The following ITGB8 variants were observed in gnomAD, a reference collection of about 807,000 sequenced individuals.
ITGB8 encodes the protein integrin subunit beta 8.
ITGB8 carries 30 observed loss-of-function variants against 89.5 expected under a neutral mutation model. The ratio of observed to expected loss-of-function variants is 0.34; its 90% CI spans 0.25 to 0.45. ITGB8 has a LOEUF of 0.45. ITGB8 is among the 20% of genes least tolerant of loss of function. The pLI is 1.00. For missense variants in ITGB8, 836 were observed against 933.3 expected, an observed-to-expected ratio of 0.90 and a Z score of 1.36; for synonymous variants, 335 against 320.4, an observed-to-expected ratio of 1.05 and a Z score of -0.49.
Position 20,379,154 on chromosome 7 carries a change from A to G in ITGB8, c.492A>G (p.Glu164=). Residue 164 remains glutamate (E), a synonymous_variant, in exon 4 of 14, where the codon GAA becomes GAG. Transcript: ENST00000222573. Reference sequence around the variant, plus strand: ...CAGCATCAATGCACAATAATATAGAAAAATTAAATTCCGTTGGAAACGATT... The same window carrying G: ...CAGCATCAATGCACAATAATATAGAGAAATTAAATTCCGTTGGAAACGATT... ...DVSASMHNNI[E]KLNSVGNDLS... is the part of the protein sequence containing the mutation. 1 of 1,610,932 alleles carries G rather than the reference A, an allele frequency of 6.2e-7. No individual in the cohort carries two copies. The highest frequency in any genetic ancestry group is 1.7e-4 in the Middle Eastern group (1 of 6,052).
rs984770911 is a variant in ITGB8, at chr7:20,403,135, T to G, written c.1687+1009T>G. Among the ~76,000 whole-genome samples, 5 of 152,170 alleles carry G rather than the reference T, an allele frequency of 3.3e-5. No homozygotes were observed. The South Asian group carries it at 8.3e-4, about 25-fold the overall frequency. Reference sequence around the variant, plus strand: ...TATCACCTAAATGTGCAATGGAAAATTGTCTTTTTATTCTGTAACATACAT... The same window carrying G: ...TATCACCTAAATGTGCAATGGAAAAGTGTCTTTTTATTCTGTAACATACAT... On this transcript the variant is annotated intron_variant, in intron 10 of 13. Coordinates refer to ENST00000222573, the MANE Select transcript of ITGB8 (RefSeq NM_002214.3).
At chr7:20,374,075 T>C (rs939407248) in intron 3 of ITGB8, among the ~76,000 whole-genome samples, 66 of 152,204 alleles carry the variant, frequency 4.3e-4, no homozygotes, top group African/African-American at 1.5e-3. Context: ...TCTGAGTTCT[T>C]AGAATCTCAA....
At chr7:20,369,559 T>A (rs1785845478) in intron 3 of ITGB8, among the ~76,000 whole-genome samples, 1 of 152,160 alleles carries the variant, frequency 6.6e-6, no homozygotes, top group African/African-American at 2.4e-5. Context: ...TAATCATATC[T>A]CTCAGAGACC....
At chr7:20,383,657 A>G (rs1158334940) in intron 6 of ITGB8, among the ~76,000 whole-genome samples, 2 of 152,316 alleles carry the variant, frequency 1.3e-5, no homozygotes, top group East Asian at 1.9e-4. Flanking sequence ...TCATCTAGGG[A>G]GGATTTCCTA....
intron 8 of ITGB8, among the ~76,000 whole-genome samples, chr7:20,395,284 T>C (rs1392601235): frequency 6.6e-6 from 1 of 152,220 alleles, no homozygotes; most frequent in Non-Finnish European, 1.5e-5. Context: ...AGCTATAGAA[T>C]GTACATTATT....
intron 10 of ITGB8, among the ~76,000 whole-genome samples, chr7:20,402,520 T>A (rs752960537): frequency 6.6e-6 from 1 of 152,196 alleles, no homozygotes; most frequent in East Asian, 1.9e-4. Context: ...GCTCAGAGGA[T>A]TTTATTTCTG....
intron 3 of ITGB8, 51 bp downstream of exon 3, chr7:20,367,237 ATTTAC>A (rs778753375): frequency 3.8e-6 from 5 of 1,313,444 alleles, no homozygotes; most frequent in African/African-American, 2.9e-5. Context: ...TGAAATTGCA[ATTTAC>A]TTTAATTTGC....
intron 1 of ITGB8, among the ~76,000 whole-genome samples, chr7:20,361,205 T>G (rs1295264174): frequency 6.6e-6 from 1 of 152,194 alleles, no homozygotes; most frequent in Admixed American, 6.5e-5. Context: ...ATTGCAGTCT[T>G]AACTGCCAAC....
chr7:20,387,009 GA>G (rs1786653810), intron 6 of ITGB8, among the ~76,000 whole-genome samples: 1 of 152,176 alleles, frequency 6.6e-6, no homozygotes, highest in East Asian at 1.9e-4. Context: ...GGCCAGGTAA[GA>G]AAGATAAGCA....
intron 1 of ITGB8, among the ~76,000 whole-genome samples, chr7:20,332,437 A>G (rs1262363008): frequency 3.3e-5 from 5 of 152,146 alleles, no homozygotes; most frequent in Non-Finnish European, 7.3e-5. Flanking sequence ...GCTCAATCTG[A>G]ATGAATTACC....
chr7:20,384,801 T>G (rs561419784), intron 6 of ITGB8, among the ~76,000 whole-genome samples: 1 of 152,322 alleles, frequency 6.6e-6, no homozygotes, highest in South Asian at 2.1e-4. Flanking sequence ...CTTGCATAAG[T>G]TGTAAAACAA....
At chr7:20,354,495 G>C (rs374481309) in intron 1 of ITGB8, among the ~76,000 whole-genome samples, 1 of 152,172 alleles carries the variant, frequency 6.6e-6, no homozygotes, top group Non-Finnish European at 1.5e-5. Flanking sequence ...AAAACAGGAC[G>C]AAGTAAGATT....
chr7:20,370,072 T>G (rs1785865407), intron 3 of ITGB8, among the ~76,000 whole-genome samples: 1 of 151,176 alleles, frequency 6.6e-6, no homozygotes, highest in Non-Finnish European at 1.5e-5. Context: ...AGAAAAGAGT[T>G]CCTAAATTTA....
intron 1 of ITGB8, 154 bp downstream of exon 1, chr7:20,332,087 T>C: frequency 7.1e-7 from 1 of 1,413,742 alleles, no homozygotes; most frequent in Non-Finnish European, 9.3e-7. Context: ...CCAGCACAGA[T>C]GGCCTAGAGG....
intron 1 of ITGB8, among the ~76,000 whole-genome samples, chr7:20,358,351 A>G (rs10265149): frequency 0.59 from 89,480 of 151,978 alleles, 27,316 homozygotes; most frequent in African/African-American, 0.73. Context: ...TTATACTTCT[A>G]AAGCACTAGG....
chr7:20,396,220 C>T (rs911757217), intron 8 of ITGB8, among the ~76,000 whole-genome samples: 2 of 151,968 alleles, frequency 1.3e-5, no homozygotes, highest in Admixed American at 6.6e-5. Flanking sequence ...AGGTGGATCA[C>T]GAGGTCAGGA....
Position 20,409,931 on chromosome 7 carries a change from G to A in ITGB8, c.2244G>A (p.Lys748=), listed in dbSNP as rs1396530641. ...GAGCAGTCACCTACCGACGTGAGAA[G>A]CCTGAAGAAATAAAAATGGATATCA... ...CTRAVTYRRE[K]PEEIKMDISK... is the part of the protein sequence containing the mutation. Residue 748 remains lysine (K), a synonymous_variant, in exon 14 of 14, where the codon AAG becomes AAA. Transcript: ENST00000222573. The A allele has an allele frequency of 6.2e-7, 1 of 1,613,632 alleles. No homozygotes were observed. The highest frequency in any genetic ancestry group is 1.3e-5 in the African/African-American group (1 of 75,036).
intron 1 of ITGB8, among the ~76,000 whole-genome samples, chr7:20,356,605 G>T (rs1583484598): frequency 1.3e-5 from 2 of 152,032 alleles, no homozygotes; most frequent in Non-Finnish European, 2.9e-5. Flanking sequence ...AAGGGATATT[G>T]CCTGGAAAAA....
intron 10 of ITGB8, 75 bp from the exon 11 acceptor site, chr7:20,404,553 A>G (rs1302502760): frequency 2.4e-6 from 3 of 1,236,146 alleles, no homozygotes; most frequent in Non-Finnish European, 3.5e-6. Flanking sequence ...GAGATGATAC[A>G]GGAATCCATG....
Sources: allele counts gnomAD v4.1 joint callset (sites outside exome capture counted in the v4.1 genomes callset), GRCh38; gene constraint gnomAD v4.1.1; transcripts MANE v1.5; gene names NCBI Gene and HGNC (gene_info 2026-07-23, HGNC 2026-07-21).